Variants in SCAF11 observed in about 807,000 individuals in gnomAD.
The protein encoded by SCAF11 is protein SCAF11.
SCAF11 carries 47 observed loss-of-function variants against 140.5 expected under a neutral mutation model. The ratio of observed to expected loss-of-function variants is 0.33; its 90% CI spans 0.26 to 0.43. SCAF11 has a LOEUF of 0.43. Ranked by LOEUF, SCAF11 falls within the 20% of genes least tolerant of loss-of-function variation. The pLI is 1.00. For missense variants in SCAF11, 1,645 were observed against 1,705.1 expected, an observed-to-expected ratio of 0.96 and a Z score of 0.62; for synonymous variants, 557 against 579.4, an observed-to-expected ratio of 0.96 and a Z score of 0.55.
rs555094426 is a variant in SCAF11 at position 45,989,985 on chromosome 12, C to G, written c.-22+368G>C. 3.6e-4 allele frequency among the ~76,000 whole-genome samples: 54 copies of G among 152,054 alleles called. No individual in the cohort carries two copies. The South Asian group carries it at 7.3e-3, about 20-fold the overall frequency. Reference sequence around the variant, plus strand: ...TGGCGTGGAGCCCCTTCCCCCCCCCCCGTAGGACCCTGCACCCGGACGGGG... The same window carrying G: ...TGGCGTGGAGCCCCTTCCCCCCCCCGCGTAGGACCCTGCACCCGGACGGGG... On this transcript the variant is annotated intron_variant, in intron 1 of 14. Transcript: ENST00000369367.
intron 10 of SCAF11, chr12:45,929,945 C>G (rs768259626): frequency 1.9e-4 from 29 of 152,270 alleles, no homozygotes; most frequent in Non-Finnish European, 3.7e-4. Context: ...GTTTTTACTC[C>G]CCAAAACTTA....
intron 1 of SCAF11, among the ~76,000 whole-genome samples, chr12:45,967,547 G>A (rs571571908): frequency 6.6e-6 from 1 of 152,282 alleles, no homozygotes; most frequent in South Asian, 2.1e-4. Context: ...GGGAGGGTGA[G>A]GCAGGAGAAT....
chr12:45,966,728 T>C (rs533540528), intron 1 of SCAF11, among the ~76,000 whole-genome samples: 57 of 152,248 alleles, frequency 3.7e-4, no homozygotes, highest in Non-Finnish European at 6.8e-4. Flanking sequence ...ATGTCTGGTA[T>C]GTTCAAGGAA....
rs185618895 is a variant in SCAF11, at chr12:45,963,618, G to A, written c.61+489C>T. Among the ~76,000 whole-genome samples, 49 of 152,182 alleles carry A rather than the reference G, an allele frequency of 3.2e-4. No individual in the cohort carries two copies. The East Asian group carries it at 8.1e-3, about 25-fold the overall frequency. On this transcript the variant is annotated intron_variant, in intron 2 of 14. Transcript: ENST00000369367. ...TTTCAGAAAGAAAATAAATGAAGAG[G>A]AAATAAACTCAAGCAAACATTGCAT...
At chr12:45,956,032 T>C (rs938069164) in intron 3 of SCAF11, 26 of 699,918 alleles carry the variant, frequency 3.7e-5, no homozygotes, top group Non-Finnish European at 6.3e-5. Context: ...CACACCCTAC[T>C]ATTCTGAAGC....
chr12:45,978,030 TG>T (rs1946273008), intron 1 of SCAF11, among the ~76,000 whole-genome samples: 1 of 152,160 alleles, frequency 6.6e-6, no homozygotes. Context: ...ATCCACTCTA[TG>T]GGAAGAATAT....
chr12:45,968,671 T>C (rs563106621), intron 1 of SCAF11, among the ~76,000 whole-genome samples: 1 of 152,286 alleles, frequency 6.6e-6, no homozygotes, highest in East Asian at 1.9e-4. Context: ...CAGGGCACAG[T>C]GGCTCACACC....
chr12:45,991,589 T>G (rs1946612484), upstream of SCAF11, among the ~76,000 whole-genome samples: 1 of 152,134 alleles, frequency 6.6e-6, no homozygotes, highest in South Asian at 2.1e-4. Context: ...TTATCATTAT[T>G]TACTTAAAAG....
At chr12:45,967,876 A>G (rs1478872754) in intron 1 of SCAF11, among the ~76,000 whole-genome samples, 1 of 152,216 alleles carries the variant, frequency 6.6e-6, no homozygotes, top group East Asian at 1.9e-4. Flanking sequence ...TATCTGTTCT[A>G]TCTGCCTGGA....
At chr12:45,922,351 A>T in intron 14 of SCAF11, 112 bp downstream of exon 14, 6 of 1,478,498 alleles carry the variant, frequency 4.1e-6, no homozygotes, top group Non-Finnish European at 5.5e-6. Context: ...AAAAGTAGAC[A>T]GGAATTAGTA....
intron 3 of SCAF11, among the ~76,000 whole-genome samples, chr12:45,952,102 A>T (rs934165335): frequency 1.3e-5 from 2 of 152,160 alleles, no homozygotes; most frequent in African/African-American, 4.8e-5. Flanking sequence ...AAATTTTAAT[A>T]TTCTATGACT....
chr12:45,964,185 T>A lies in SCAF11; in HGVS notation c.-18A>T. The A allele has an allele frequency of 7.1e-7, 1 of 1,410,460 alleles. No homozygotes were observed. 87.4% of individuals were successfully genotyped at this position (1,410,460 alleles called of 1,614,324 possible). A position where few individuals can be genotyped will look rare whatever the true frequency, so the allele number is the denominator to read the frequency against. On this transcript the variant is annotated 5_prime_UTR_variant, in exon 2 of 15. Transcript: ENST00000369367. Reference sequence around the variant, plus strand: ...TTCTTCATTTCTCTTTGGAAAAGGGTTTCCTATAAGATAAATTATAATAGA... The same window carrying A: ...TTCTTCATTTCTCTTTGGAAAAGGGATTCCTATAAGATAAATTATAATAGA...
intron 6 of SCAF11, among the ~76,000 whole-genome samples, chr12:45,942,101 TATAAC>T (rs1945315887): frequency 6.6e-6 from 1 of 152,244 alleles, no homozygotes; most frequent in African/African-American, 2.4e-5. Context: ...ATATAATACA[TATAAC>T]ATATAAAATG....
At chr12:45,955,961 GT>G in intron 3 of SCAF11, 1 of 626,086 alleles carries the variant, frequency 1.6e-6, no homozygotes, top group Non-Finnish European at 2.9e-6. Context: ...TAAGGTTGTT[GT>G]ATCAGTTAAG....
Position 45,921,400 on chromosome 12 carries a change from C to A in SCAF11, c.*648G>T, listed in dbSNP as rs1356935188. ...TCTCAATTAGGGGTAAACAAAGGCA[C>A]AAAAGAAAAACAAGCAGCATAACCT... On this transcript the variant is annotated 3_prime_UTR_variant, in exon 15 of 15. Coordinates refer to ENST00000369367, the MANE Select transcript of SCAF11 (RefSeq NM_004719.3). 2.0e-5 allele frequency: 3 copies of A among 152,442 alleles called. No individual in the cohort carries two copies. The highest frequency in any genetic ancestry group is 4.4e-5 in the Non-Finnish European group (3 of 67,988). The allele number at this position is 152,442 out of a possible 1,614,324, so 9.4% of individuals were successfully genotyped here.
intron 3 of SCAF11, among the ~76,000 whole-genome samples, chr12:45,953,315 G>A (rs1344452235): frequency 6.6e-6 from 1 of 152,100 alleles, no homozygotes; most frequent in African/African-American, 2.4e-5. Context: ...TTATCCCAGT[G>A]GCATACCCTG....
intron 1 of SCAF11, chr12:45,975,042 A>C (rs1373947029): frequency 6.6e-6 from 1 of 152,248 alleles, no homozygotes; most frequent in East Asian, 1.9e-4. Flanking sequence ...GTGCACTGTC[A>C]ATAAGTAAGT....
At chr12:45,948,783 C>T (rs2136569277) in intron 4 of SCAF11, among the ~76,000 whole-genome samples, 1 of 152,198 alleles carries the variant, frequency 6.6e-6, no homozygotes. Flanking sequence ...GAGATATGAA[C>T]ACAGATTTGT....
At chr12:45,945,861 T>C (rs1454578908) in intron 5 of SCAF11, among the ~76,000 whole-genome samples, 4 of 151,972 alleles carry the variant, frequency 2.6e-5, no homozygotes, top group Non-Finnish European at 1.5e-5. Flanking sequence ...ATTCTTATTA[T>C]TATTTTTTTT....
Sources: allele counts gnomAD v4.1 joint callset (sites outside exome capture counted in the v4.1 genomes callset), GRCh38; gene constraint gnomAD v4.1.1; transcripts MANE v1.5; gene names NCBI Gene and HGNC (gene_info 2026-07-23, HGNC 2026-07-21).